TNKS: variants seen among roughly 807,000 people sequenced by gnomAD.
The protein encoded by TNKS is poly [ADP-ribose] polymerase tankyrase-1.
A neutral mutation model predicts 135.8 loss-of-function variants in TNKS; 72 were observed. The observed-to-expected ratio is 0.53, with a 90% CI of 0.44 to 0.64. The LOEUF is 0.64. Ranked by LOEUF, TNKS falls within the 30% of genes least tolerant of loss-of-function variation. The probability of loss-of-function intolerance (pLI) is 0.00; values close to 1 mark genes in which losing one functional copy is unlikely to be tolerated. For synonymous variants in TNKS, 849 were observed against 649.3 expected (o/e 1.31, Z -4.68); for missense variants, 1,769 against 1,674.0 (o/e 1.06, Z -0.99).
intron 17 of TNKS, among the ~76,000 whole-genome samples, chr8:9,744,687 T>C (rs780179349): frequency 6.6e-6 from 1 of 152,216 alleles, no homozygotes; most frequent in Non-Finnish European, 1.5e-5. Context: ...ACTGAACTGC[T>C]ATTTATTGGA....
At chr8:9,672,659 A>T (rs1405873336) in intron 3 of TNKS, among the ~76,000 whole-genome samples, 6 of 140,404 alleles carry the variant, frequency 4.3e-5, no homozygotes, top group African/African-American at 1.0e-4. Context: ...GATGGTAAAA[A>T]AAAAAAAAAA....
chr8:9,685,352 A>G (rs1802944599), intron 5 of TNKS, among the ~76,000 whole-genome samples: 1 of 152,152 alleles, frequency 6.6e-6, no homozygotes, highest in Non-Finnish European at 1.5e-5. Flanking sequence ...TCTCAAATGG[A>G]AATAACCATA....
intron 5 of TNKS, chr8:9,681,050 C>T (rs1256734821): frequency 2.1e-5 from 7 of 327,280 alleles, no homozygotes; most frequent in Non-Finnish European, 1.7e-5. Context: ...CATGAAACTG[C>T]AGTTTTGTCG....
rs923000914 is a variant in TNKS, at chr8:9,780,269, T to C, written c.*3533T>C. The C allele has an allele frequency of 6.6e-6, 1 of 152,088 alleles. No homozygotes were observed. Among genetic ancestry groups the C allele is most frequent in the Non-Finnish European group, 1.5e-5 (1 of 68,036 alleles). The allele number at this position is 152,088 out of a possible 1,614,324, so 9.4% of individuals were successfully genotyped here. A position where few individuals can be genotyped will look rare whatever the true frequency, so the allele number is the denominator to read the frequency against. On this transcript the variant is annotated 3_prime_UTR_variant, in exon 27 of 27. Coordinates refer to ENST00000310430, the MANE Select transcript of TNKS (RefSeq NM_003747.3). ...TTGCAAACAGAAGTGGTGTGTATTT[T>C]CAAGCACCTTTCCCCCATTGTATCC...
intron 3 of TNKS, among the ~76,000 whole-genome samples, chr8:9,642,925 G>T (rs1294365264): frequency 1.4e-5 from 2 of 145,830 alleles, no homozygotes; most frequent in African/African-American, 5.1e-5. Context: ...TAAAGTAACT[G>T]ATTATACTCT....
chr8:9,650,007 C>T (rs1017607704), intron 3 of TNKS, among the ~76,000 whole-genome samples: 11 of 150,196 alleles, frequency 7.3e-5, no homozygotes, highest in African/African-American at 2.5e-4. Context: ...GTTCTCCTTC[C>T]TCAGCCTCCC....
intron 3 of TNKS, among the ~76,000 whole-genome samples, chr8:9,631,048 C>G (rs1416885147): frequency 1.3e-5 from 2 of 152,110 alleles, no homozygotes; most frequent in African/African-American, 4.8e-5. Context: ...TTAAACAAAA[C>G]AAGTCTCAAT....
At chr8:9,707,346 C>T (rs1804096566) in intron 8 of TNKS, among the ~76,000 whole-genome samples, 1 of 152,098 alleles carries the variant, frequency 6.6e-6, no homozygotes, top group Non-Finnish European at 1.5e-5. Flanking sequence ...AAGCTCTGAG[C>T]TTCTGGGGCT....
At chr8:9,570,085 T>G (rs1585178888) in intron 1 of TNKS, among the ~76,000 whole-genome samples, 1 of 152,172 alleles carries the variant, frequency 6.6e-6, no homozygotes, top group African/African-American at 2.4e-5. Flanking sequence ...TATTAAGAGG[T>G]AAATATTTTA....
At chr8:9,683,948 G>T (rs1251797474) in intron 5 of TNKS, among the ~76,000 whole-genome samples, 1 of 151,672 alleles carries the variant, frequency 6.6e-6, no homozygotes, top group East Asian at 1.9e-4. Context: ...AATTTTATTG[G>T]CTTTTTTTTT....
chr8:9,696,036 T>C (rs1056495463), intron 5 of TNKS, among the ~76,000 whole-genome samples: 17 of 152,220 alleles, frequency 1.1e-4, no homozygotes, highest in South Asian at 2.1e-4. Context: ...TATGACTATA[T>C]GTCATTTACT....
chr8:9,628,266 C>G (rs1488409400), intron 3 of TNKS, among the ~76,000 whole-genome samples: 1 of 152,116 alleles, frequency 6.6e-6, no homozygotes, highest in Non-Finnish European at 1.5e-5. Context: ...CATGGTTGCT[C>G]ACTACTTTCT....
At chr8:9,712,441 C>T (rs973136077) in intron 11 of TNKS, among the ~76,000 whole-genome samples, 2 of 151,722 alleles carry the variant, frequency 1.3e-5, no homozygotes, top group Non-Finnish European at 1.5e-5. Flanking sequence ...GATCATACCA[C>T]TGTACTGCAG....
At chr8:9,648,351 A>G (rs1426432365) in intron 3 of TNKS, among the ~76,000 whole-genome samples, 1 of 152,200 alleles carries the variant, frequency 6.6e-6, no homozygotes, top group African/African-American at 2.4e-5. Flanking sequence ...CAGCTGTACA[A>G]AAATATTCTT....
rs530170725 is a variant in TNKS at position 9,675,095 on chromosome 8, A to C, written c.995-4856A>C. Among the ~76,000 whole-genome samples the C allele has an allele frequency of 9.2e-5, 14 of 152,320 alleles. No individual in the cohort carries two copies. The South Asian group carries it at 2.9e-3, about 32-fold the overall frequency. On this transcript the variant is annotated intron_variant, in intron 3 of 26. Coordinates refer to ENST00000310430, the MANE Select transcript of TNKS (RefSeq NM_003747.3). ...TATAGCAGAGTATCAGTCTGTCTGA[A>C]TATTGCTTTGAGAGGAAGACCTAAC... is the stretch of plus-strand genomic sequence containing the variant.
chr8:9,670,042 A>G (rs1310617929), intron 3 of TNKS: 1 of 152,220 alleles, frequency 6.6e-6, no homozygotes, highest in Non-Finnish European at 1.5e-5. Flanking sequence ...GTCTCTTATT[A>G]TAAAGTTAAT....
At chr8:9,624,386 T>C (rs1329800087) in intron 3 of TNKS, among the ~76,000 whole-genome samples, 1 of 152,278 alleles carries the variant, frequency 6.6e-6, no homozygotes, top group African/African-American at 2.4e-5. Flanking sequence ...GCTATTGTAA[T>C]GGTTACTAGC....
At chr8:9,581,561 A>C (rs1289527032) in intron 2 of TNKS, among the ~76,000 whole-genome samples, 1 of 152,176 alleles carries the variant, frequency 6.6e-6, no homozygotes, top group Non-Finnish European at 1.5e-5. Flanking sequence ...GCTTTTGTAA[A>C]TGATAACTAT....
intron 2 of TNKS, among the ~76,000 whole-genome samples, chr8:9,587,722 A>G (rs957072662): frequency 2.0e-5 from 3 of 152,164 alleles, no homozygotes; most frequent in African/African-American, 4.8e-5. Context: ...TTTTAGCCCA[A>G]TGAGACTTAC....
Sources: allele counts gnomAD v4.1 joint callset (sites outside exome capture counted in the v4.1 genomes callset), GRCh38; gene constraint gnomAD v4.1.1; transcripts MANE v1.5; gene names NCBI Gene and HGNC (gene_info 2026-07-23, HGNC 2026-07-21).